LRRC37A3: variants seen among roughly 807,000 people sequenced by gnomAD.
The protein encoded by LRRC37A3 is leucine-rich repeat-containing protein 37A3.
LRRC37A3 carries 25 observed loss-of-function variants against 106.2 expected under a neutral mutation model. The ratio of observed to expected loss-of-function variants is 0.24; its 90% confidence interval spans 0.17 to 0.33. The LOEUF is 0.33. LRRC37A3 is among the 10% of genes least tolerant of loss of function. LRRC37A3 has a pLI of 1.00. For missense variants in LRRC37A3, 712 were observed against 1,644.9 expected (o/e 0.43, Z 9.81); for synonymous variants, 305 against 635.8 (o/e 0.48, Z 7.83).
rs1555581228 is a variant in LRRC37A3, at chr17:64,869,932, A to AAG, written c.2907-767_2907-766insCT. 6.2e-5 allele frequency among the ~76,000 whole-genome samples: 9 copies of AAG among 145,634 alleles called. 1 individual carries two copies. Among genetic ancestry groups the AAG allele is most frequent in the Admixed American group, 4.0e-4 (6 of 14,876 alleles). ...GGACCAATTATTTTGCTTTATAGCC[A>AAG]AAGAAGGAATAAATCTAAGAGGAAG... On this transcript the variant is annotated intron_variant, in intron 8 of 14. Coordinates refer to ENST00000584306, the MANE Select transcript of LRRC37A3 (RefSeq NM_199340.5).
chr17:64,880,272 G>T (rs1405503345), intron 8 of LRRC37A3, among the ~76,000 whole-genome samples: 2 of 151,940 alleles, frequency 1.3e-5, no homozygotes, highest in Admixed American at 1.3e-4. Flanking sequence ...CAAACCAAAT[G>T]ATATGAATGC....
chr17:64,883,743 C>T (rs1973780213), intron 8 of LRRC37A3, among the ~76,000 whole-genome samples: 2 of 151,164 alleles, frequency 1.3e-5, no homozygotes, highest in Non-Finnish European at 2.9e-5. Flanking sequence ...GTCACATATG[C>T]CAAATATGAC....
intron 8 of LRRC37A3, among the ~76,000 whole-genome samples, chr17:64,869,398 A>AT (rs1973227348): frequency 6.6e-6 from 1 of 152,166 alleles, no homozygotes; most frequent in Non-Finnish European, 1.5e-5. Context: ...GGAAAAAAAA[A>AT]GTGGATAGCA....
chr17:64,883,167 C>T (rs574325533), intron 8 of LRRC37A3, among the ~76,000 whole-genome samples: 1 of 152,184 alleles, frequency 6.6e-6, no homozygotes, highest in East Asian at 1.9e-4. Context: ...TGCTTGGATG[C>T]CCTGCAAATA....
At chr17:64,915,751 C>G (rs192437213) in intron 2 of LRRC37A3, among the ~76,000 whole-genome samples, 1 of 152,296 alleles carries the variant, frequency 6.6e-6, no homozygotes, top group Admixed American at 6.5e-5. Flanking sequence ...GAACATCACA[C>G]AGCCTAACAA....
intron 8 of LRRC37A3, among the ~76,000 whole-genome samples, chr17:64,880,283 TTTTA>T (rs1973653923): frequency 6.6e-6 from 1 of 152,034 alleles, no homozygotes; most frequent in South Asian, 2.1e-4. Context: ...ATATGAATGC[TTTTA>T]TTTATTTATA....
At chr17:64,868,238 A>G (rs1973183977) in intron 10 of LRRC37A3, among the ~76,000 whole-genome samples, 1 of 152,182 alleles carries the variant, frequency 6.6e-6, no homozygotes, top group African/African-American at 2.4e-5. Context: ...ATTGCCTACA[A>G]AGGGACAGGA....
intron 2 of LRRC37A3, among the ~76,000 whole-genome samples, chr17:64,901,787 TC>T (rs1974317204): frequency 7.5e-6 from 1 of 133,264 alleles, no homozygotes; most frequent in African/African-American, 3.6e-5. Context: ...CTCTAAGCCT[TC>T]AGGGTTGTGA....
intron 8 of LRRC37A3, among the ~76,000 whole-genome samples, chr17:64,883,089 T>C (rs1973757946): frequency 6.6e-6 from 1 of 152,134 alleles, no homozygotes; most frequent in African/African-American, 2.4e-5. Flanking sequence ...CATGATTTCA[T>C]CTGTAAGAGA....
At position 64,854,770 on chromosome 17, in the gene LRRC37A3, T is replaced by A. The variant is rs1413707080; in HGVS notation, c.4860-126A>T. On this transcript the variant is annotated intron_variant, in intron 14 of 14. Coordinates refer to ENST00000584306, the MANE Select transcript of LRRC37A3 (RefSeq NM_199340.5). ...ATTTACCCAGGGTCCCTGTTGAGGA[T>A]CTTGTCCTCATTAGATGACTTCTTG... The A allele has an allele frequency of 9.3e-6, 15 of 1,611,676 alleles. No individual in the cohort carries two copies. In the East Asian group the frequency reaches 2.2e-4, roughly 24 times the overall value.
chr17:64,859,509 C>T lies in LRRC37A3; in HGVS notation c.4637G>A (p.Trp1546Ter), dbSNP rs1191564454. The T allele has an allele frequency of 5.6e-6, 9 of 1,611,550 alleles. No homozygotes were observed. Among genetic ancestry groups the T allele is most frequent in the Non-Finnish European group, 7.6e-6 (9 of 1,179,672 alleles). ...CTCATTAATGTAGTTCTCAGTCTTC[C>T]ATTGGTCCGTATCCCATTCTATCTT... Reference protein sequence around the residue: ...ASKIEWDTDQWKTENYINEST... With the variant: ...ASKIEWDTDQ Residue 1546 changes from tryptophan (W) to a stop codon, truncating the protein, a stop_gained, in exon 12 of 15, where the codon TGG (tryptophan) becomes TAG (stop). Transcript: ENST00000584306. LOFTEE classifies it high-confidence loss of function.
At chr17:64,875,396 G>A (rs964235034) in intron 8 of LRRC37A3, among the ~76,000 whole-genome samples, 2 of 152,212 alleles carry the variant, frequency 1.3e-5, no homozygotes, top group Admixed American at 1.3e-4. Context: ...CTTTGAAATT[G>A]AAGAGAAATT....
intron 14 of LRRC37A3, among the ~76,000 whole-genome samples, chr17:64,855,157 A>G (rs1972634303): frequency 6.6e-6 from 1 of 152,110 alleles, no homozygotes; most frequent in Non-Finnish European, 1.5e-5. Flanking sequence ...GCATAAAAGG[A>G]ATAGAGTAGG....
chr17:64,866,626 ATATTTTTTTTTT>A (rs1346519682), intron 10 of LRRC37A3, among the ~76,000 whole-genome samples: 2 of 22,510 alleles, frequency 8.9e-5, no homozygotes, highest in African/African-American at 5.0e-4. Flanking sequence ...ATATATATAT[ATATTTTTTTTTT>A]TTTTTTTTTT....
At chr17:64,874,502 C>T (rs1389708125) in intron 8 of LRRC37A3, among the ~76,000 whole-genome samples, 7 of 150,626 alleles carry the variant, frequency 4.6e-5, no homozygotes, top group Admixed American at 1.3e-4. Context: ...CCCGGCCAGC[C>T]GCCCCGTCCG....
At position 64,860,096 on chromosome 17, in the gene LRRC37A3, G is replaced by A. The variant is rs1482835309; in HGVS notation, c.4050C>T (p.Leu1350=). The change falls in exon 12 of 15, where the codon CTC becomes CTT. Residue 1350 remains leucine, a synonymous_variant. Coordinates refer to ENST00000584306, the MANE Select transcript of LRRC37A3 (RefSeq NM_199340.5). The part of the protein sequence containing the change: ...NRLPFSAAKS[L]INSPSQGAFS... Reference sequence around the variant, plus strand: ...AAGCCCCTTGTGAAGGGGAATTTATGAGGCTCTTCGCTGCAGAGAACGGAA... The same window carrying A: ...AAGCCCCTTGTGAAGGGGAATTTATAAGGCTCTTCGCTGCAGAGAACGGAA... 6.2e-7 allele frequency: 1 copy of A among 1,613,996 alleles called. No homozygotes were observed. Among genetic ancestry groups the A allele is most frequent in the Admixed American group, 1.7e-5 (1 of 60,028 alleles).
intron 8 of LRRC37A3, among the ~76,000 whole-genome samples, chr17:64,878,124 AT>A (rs1179755602): frequency 6.6e-6 from 1 of 152,188 alleles, no homozygotes; most frequent in African/African-American, 2.4e-5. Context: ...TCCAAACTGG[AT>A]TTTTTTTCTT....
intron 8 of LRRC37A3, among the ~76,000 whole-genome samples, chr17:64,869,532 A>ATTTTTTTTTT (rs1157660467): frequency 8.0e-6 from 1 of 125,122 alleles, no homozygotes; most frequent in Admixed American, 8.0e-5. Flanking sequence ...TTGTTCATCT[A>ATTTTTTTTTT]TTTTTTTTTT....
At chr17:64,861,080 C>T in intron 11 of LRRC37A3, 107 bp from the exon 12 acceptor site, 7 of 1,568,974 alleles carry the variant, frequency 4.5e-6, no homozygotes, top group East Asian at 2.2e-5. Context: ...AGCAAACATT[C>T]GAGTGCCATT....
Sources: gnomAD v4.1 joint callset for allele counts (sites outside exome capture counted in the v4.1 genomes callset) on GRCh38, gnomAD v4.1.1 for gene constraint, MANE v1.5 for transcripts, NCBI Gene and HGNC (gene_info 2026-07-23, HGNC 2026-07-21) for gene names.